BRCA2: variants seen among roughly 807,000 people sequenced by gnomAD.
BRCA2 encodes the protein BRCA2 DNA repair associated.
Under a neutral mutation model 276.7 loss-of-function variants are expected in BRCA2, and 203 were observed. The observed-to-expected ratio is 0.73, with a 90% CI of 0.65 to 0.82. The LOEUF is 0.82. Ranked by LOEUF, BRCA2 falls within the 40% of genes least tolerant of loss-of-function variation. The probability of loss-of-function intolerance (pLI) is 0.00; values close to 1 mark genes in which losing one functional copy is unlikely to be tolerated. For synonymous variants in BRCA2, 1,289 were observed against 1,338.4 expected (o/e 0.96, Z 0.81); for missense variants, 3,920 against 3,915.0 (o/e 1.00, Z -0.03).
chr13:32,394,277 C>T (rs911431722), intron 24 of BRCA2, among the ~76,000 whole-genome samples: 8 of 152,072 alleles, frequency 5.3e-5, no homozygotes. Context: ...TTTTCATGAA[C>T]TTTATGTTCA....
rs81002878 is a variant in BRCA2, at chr13:32,379,238, G to A, written c.8755-79G>A. On this transcript the variant is annotated intron_variant, in intron 21 of 26. Coordinates refer to ENST00000380152, the MANE Select transcript of BRCA2 (RefSeq NM_000059.4). The stretch of plus-strand genomic sequence containing the variant: ...GCTCTAATTTTGTTGTATTTGTCCT[G>A]TTTAAAGCCATCTAGTTACAATAGA... The A allele has an allele frequency of 1.6e-5, 23 of 1,409,510 alleles. No individual in the cohort carries two copies. The highest frequency in any genetic ancestry group is 4.3e-5 in the African/African-American group (3 of 70,168). 87.3% of individuals were successfully genotyped at this position (1,409,510 alleles called of 1,614,324 possible). A position where few individuals can be genotyped will look rare whatever the true frequency, so the allele number is the denominator to read the frequency against.
rs2072826302 is a variant in BRCA2, at chr13:32,370,788, T to G, written c.8488-168T>G. ...TTGTATTTTTGGTAGAGAAGGGGTT[T>G]CATCATGTTGGTCAGGCTGATCTCG... On this transcript the variant is annotated intron_variant, in intron 19 of 26. Coordinates refer to ENST00000380152, the MANE Select transcript of BRCA2 (RefSeq NM_000059.4). Among the ~76,000 whole-genome samples, 3 of 152,296 alleles carry G rather than the reference T, an allele frequency of 2.0e-5. No homozygotes were observed. The South Asian group carries it at 6.2e-4, about 32-fold the overall frequency.
chr13:32,394,624 T>A, intron 24 of BRCA2, 65 bp from the exon 25 acceptor site: 1 of 1,550,510 alleles, frequency 6.4e-7, no homozygotes, highest in African/African-American at 1.4e-5. Flanking sequence ...GAGTTTCCTT[T>A]CTTGCATCTT....
rs56121817 is a variant in BRCA2, at chr13:32,398,388, C to A, written c.9875C>A (p.Pro3292Gln). The change falls in exon 27 of 27, where the codon CCG (proline) becomes CAG (glutamine). Residue 3292 changes from proline to glutamine, a missense_variant. Pro to Gln is a moderately conservative substitution (Grantham distance 76). Coordinates refer to ENST00000380152, the MANE Select transcript of BRCA2 (RefSeq NM_000059.4). ...AGTCCCATTTGTACATTTGTTTCTC[C>A]GGCTGCACAGAAGGCATTTCAGCCA... ...PVSPICTFVS[P>Q]AAQKAFQPPR... 1 of 1,614,098 alleles carries A rather than the reference C, an allele frequency of 6.2e-7. No homozygotes were observed. The highest frequency in any genetic ancestry group is 1.7e-5 in the Admixed American group (1 of 60,014).
At chr13:32,371,755 C>A (rs945203886) in intron 20 of BRCA2, among the ~76,000 whole-genome samples, 1 of 152,080 alleles carries the variant, frequency 6.6e-6, no homozygotes, top group Non-Finnish European at 1.5e-5. Context: ...TGATTCTAGA[C>A]CACCGCAATA....
At chr13:32,350,771 TAAA>T (rs1296180766) in intron 13 of BRCA2, among the ~76,000 whole-genome samples, 1 of 151,448 alleles carries the variant, frequency 6.6e-6, no homozygotes, top group Non-Finnish European at 1.5e-5. Context: ...AACAACAAAA[TAAA>T]AAAATAAAAT....
At position 32,379,300 on chromosome 13, in the gene BRCA2, A is replaced by G. The variant is rs431825370; in HGVS notation, c.8755-17A>G. The G allele has an allele frequency of 2.2e-5, 35 of 1,613,068 alleles. No homozygotes were observed. The highest frequency in any genetic ancestry group is 3.0e-5 in the Non-Finnish European group (35 of 1,179,500). ...TGTTCTGATTGCTTTTTATTCCAAT[A>G]TCTTAAATGGTCACAGGGTTATTTC... On this transcript the variant is annotated splice_polypyrimidine_tract_variant and intron_variant, in intron 21 of 26. Coordinates refer to ENST00000380152, the MANE Select transcript of BRCA2 (RefSeq NM_000059.4).
intron 7 of BRCA2, among the ~76,000 whole-genome samples, chr13:32,327,602 G>A (rs1291772562): frequency 4.6e-5 from 7 of 151,418 alleles, no homozygotes; most frequent in Non-Finnish European, 7.4e-5. Context: ...CCCGGGAGGC[G>A]GATCTTGTAG....
At position 32,370,955 on chromosome 13, in the gene BRCA2, G is replaced by A. The variant is rs397507404; in HGVS notation, c.8488-1G>A. Reference sequence around the variant, plus strand: ...TTGGTGTGTGTAACACATTATTACAGTGGATGGAGAAGACATCATCTGGAT... The same window carrying A: ...TTGGTGTGTGTAACACATTATTACAATGGATGGAGAAGACATCATCTGGAT... On this transcript the variant is annotated splice_acceptor_variant, in intron 19 of 26. Transcript: ENST00000380152. LOFTEE classifies it high-confidence loss of function. 2.5e-6 allele frequency: 4 copies of A among 1,614,046 alleles called. No individual in the cohort carries two copies. Among genetic ancestry groups the A allele is most frequent in the Admixed American group, 3.3e-5 (2 of 60,024 alleles).
intron 13 of BRCA2, among the ~76,000 whole-genome samples, chr13:32,349,586 C>T (rs751804859): frequency 7.2e-5 from 11 of 151,750 alleles, no homozygotes; most frequent in East Asian, 1.9e-4. Flanking sequence ...GAGGCTGAGG[C>T]GGGTGAATCA....
At chr13:32,394,187 A>G (rs887345632) in intron 24 of BRCA2, among the ~76,000 whole-genome samples, 2 of 152,152 alleles carry the variant, frequency 1.3e-5, no homozygotes, top group Non-Finnish European at 2.9e-5. Context: ...ATCCAACTCT[A>G]TCCTGTATAT....
At position 32,337,456 on chromosome 13, in the gene BRCA2, T is replaced by C. The variant is rs545974734; in HGVS notation, c.3101T>C (p.Ile1034Thr). Residue 1034 changes from isoleucine to threonine, a missense_variant, in exon 11 of 27, where the codon ATT (isoleucine) becomes ACT (threonine). Physicochemically the swap from Ile to Thr is moderately conservative, Grantham distance 89. This residue lies in a region of BRCA2 where 3,263 missense variants were observed against 3,156.9 expected (regional missense o/e 1.03). Coordinates refer to ENST00000380152, the MANE Select transcript of BRCA2 (RefSeq NM_000059.4). ...AAGAGCAAAATGTTCTTCAAAGATA[T>C]TGAAGAACAATATCCTACTAGTTTA... ...IKKSKMFFKD[I>T]EEQYPTSLAC... 9.9e-6 allele frequency: 16 copies of C among 1,612,810 alleles called. No individual in the cohort carries two copies. Among genetic ancestry groups the C allele is most frequent in the Admixed American group, 5.0e-5 (3 of 59,840 alleles).
intron 16 of BRCA2, among the ~76,000 whole-genome samples, chr13:32,360,939 T>G (rs1478007426): frequency 1.3e-5 from 2 of 152,184 alleles, no homozygotes; most frequent in South Asian, 4.1e-4. Context: ...AGGATAGAGT[T>G]GTATGTAACT....
chr13:32,391,567 C>T (rs1345701475), intron 24 of BRCA2, among the ~76,000 whole-genome samples: 2 of 152,226 alleles, frequency 1.3e-5, no homozygotes, highest in South Asian at 2.1e-4. Context: ...GATCTGCACC[C>T]GCACCATGGC....
intron 24 of BRCA2, among the ~76,000 whole-genome samples, chr13:32,389,998 T>C (rs1474281132): frequency 1.1e-4 from 17 of 152,218 alleles, no homozygotes; most frequent in Non-Finnish European, 2.5e-4. Flanking sequence ...TCCATAATCT[T>C]CTGTTTCTTA....
intron 15 of BRCA2, 79 bp downstream of exon 15, chr13:32,356,688 T>C: frequency 6.7e-7 from 1 of 1,498,194 alleles, no homozygotes; most frequent in East Asian, 2.3e-5. Context: ...TACAAATGGC[T>C]TTGTTTAAAG....
intron 24 of BRCA2, among the ~76,000 whole-genome samples, chr13:32,382,769 T>A (rs1323135709): frequency 6.6e-6 from 1 of 152,170 alleles, no homozygotes; most frequent in Non-Finnish European, 1.5e-5. Flanking sequence ...GATGAGATAC[T>A]GTATGCTGAT....
intron 24 of BRCA2, among the ~76,000 whole-genome samples, chr13:32,390,830 G>T (rs2072992022): frequency 6.6e-6 from 1 of 152,166 alleles, no homozygotes; most frequent in South Asian, 2.1e-4. Context: ...GACATAATGG[G>T]TTGAAGCAGG....
intron 17 of BRCA2, among the ~76,000 whole-genome samples, 195 bp downstream of exon 17, chr13:32,362,888 C>G (rs538224935): frequency 1.6e-4 from 24 of 152,308 alleles, no homozygotes; most frequent in Middle Eastern, 3.4e-3. Context: ...TTGCTTCCCT[C>G]TTTCCCCACC....
Sources: allele counts gnomAD v4.1 joint callset (sites outside exome capture counted in the v4.1 genomes callset), GRCh38; gene constraint gnomAD v4.1.1; regional missense constraint gnomAD v4.1.1; transcripts MANE v1.5; gene names NCBI Gene and HGNC (gene_info 2026-07-23, HGNC 2026-07-21).